The following MET variants were observed in gnomAD, a reference collection of about 807,000 sequenced individuals.
MET encodes the protein MET proto-oncogene, receptor tyrosine kinase.
Under a neutral mutation model 133.1 loss-of-function variants are expected in MET, and 48 were observed. The observed-to-expected ratio is 0.36, with a 90% confidence interval of 0.29 to 0.46. The LOEUF (loss-of-function observed/expected upper bound fraction) is 0.46, where lower values mean the gene tolerates loss of function less well. Ranked by LOEUF, MET falls within the 20% of genes least tolerant of loss-of-function variation. The pLI is 1.00. For synonymous variants in MET, 628 were observed against 616.5 expected, an observed-to-expected ratio of 1.02 and a Z score of -0.28; for missense variants, 1,442 against 1,695.9, an observed-to-expected ratio of 0.85 and a Z score of 2.63.
intron 3 of MET, among the ~76,000 whole-genome samples, chr7:116,739,095 T>C (rs1457279681): frequency 1.3e-5 from 2 of 152,206 alleles, no homozygotes; most frequent in African/African-American, 4.8e-5. Flanking sequence ...TGAAAGTTTC[T>C]CTGAGAACTC....
At chr7:116,741,095 GTTTGTTT>G in intron 5 of MET, 70 bp downstream of exon 5, 2 of 1,560,352 alleles carry the variant, frequency 1.3e-6, no homozygotes, top group Non-Finnish European at 1.7e-6. Context: ...GTTTGGTTTG[GTTTGTTT>G]TTTGTTTTTT....
intron 1 of MET, among the ~76,000 whole-genome samples, chr7:116,682,281 G>A (rs1052301130): frequency 1.3e-5 from 2 of 152,126 alleles, no homozygotes; most frequent in Non-Finnish European, 2.9e-5. Context: ...GATATTAGAC[G>A]AATAACTTAG....
intron 2 of MET, among the ~76,000 whole-genome samples, chr7:116,711,005 C>T: frequency 6.6e-6 from 1 of 152,144 alleles, no homozygotes; most frequent in East Asian, 1.9e-4. Context: ...GGTTCAAGAA[C>T]TAGTTAAGAA....
intron 1 of MET, among the ~76,000 whole-genome samples, chr7:116,697,462 C>A (rs1361089276): frequency 6.6e-6 from 1 of 152,110 alleles, no homozygotes; most frequent in Non-Finnish European, 1.5e-5. Context: ...GCTCAAAATT[C>A]CTTAATGATT....
intron 3 of MET, among the ~76,000 whole-genome samples, chr7:116,736,478 A>C (rs1205951070): frequency 6.6e-6 from 1 of 152,212 alleles, no homozygotes; most frequent in Non-Finnish European, 1.5e-5. Context: ...TAATTCTATT[A>C]ATAAAACGGT....
At chr7:116,682,208 G>A (rs1796386480) in intron 1 of MET, among the ~76,000 whole-genome samples, 1 of 152,154 alleles carries the variant, frequency 6.6e-6, no homozygotes, top group Non-Finnish European at 1.5e-5. Context: ...TAATGACAAT[G>A]AAAGGTGACA....
intron 14 of MET, 83 bp from the exon 15 acceptor site, chr7:116,774,798 C>T (rs2117028576): frequency 9.8e-7 from 1 of 1,018,092 alleles, no homozygotes. Flanking sequence ...CAAACTAATT[C>T]CATTATAAAA....
intron 9 of MET, 59 bp downstream of exon 9, chr7:116,758,679 T>C (rs1303051316): frequency 6.4e-7 from 1 of 1,556,344 alleles, no homozygotes. Flanking sequence ...GATTTTGCTG[T>C]AGAATAGTCA....
At chr7:116,772,097 AG>A (rs1794856656) in intron 14 of MET, 108 bp downstream of exon 14, 1 of 1,275,304 alleles carries the variant, frequency 7.8e-7, no homozygotes, top group South Asian at 1.3e-5. Context: ...AAAAACCTAA[AG>A]GAAGTATTTA....
chr7:116,769,907 C>T lies in MET; in HGVS notation c.2730+116C>T, dbSNP rs201079941. On this transcript the variant is annotated intron_variant, in intron 12 of 20. Coordinates refer to ENST00000397752, the MANE Select transcript of MET (RefSeq NM_000245.4). ...TTATGTGTGGGTTTTGGCTCATCAA[C>T]TCAGCCTGCATTCCTAGTTGTTATT... 2,216 of 1,397,320 alleles carry T rather than the reference C, an allele frequency of 1.6e-3. 4 individuals carry two copies. The highest frequency in any genetic ancestry group is 1.7e-3 in the Non-Finnish European group (1,686 of 997,568). The allele number at this position is 1,397,320 out of a possible 1,614,324, so 86.6% of individuals were successfully genotyped here.
rs1791608687 is a variant in MET at position 116,702,254 on chromosome 7, C to T, written c.1200+1970C>T. ...ACAAGATGGAACTTGCCAACATAGT[C>T]TTCTTACAAAGGAAGCCAACTTTTA... On this transcript the variant is annotated intron_variant, in intron 2 of 20. Coordinates refer to ENST00000397752, the MANE Select transcript of MET (RefSeq NM_000245.4). Among the ~76,000 whole-genome samples the T allele has an allele frequency of 4.6e-5, 7 of 152,216 alleles. No homozygotes were observed. The South Asian group carries it at 1.2e-3, about 27-fold the overall frequency.
chr7:116,716,323 G>GAT (rs1792199651), intron 2 of MET, among the ~76,000 whole-genome samples: 1 of 140,698 alleles, frequency 7.1e-6, no homozygotes, highest in Non-Finnish European at 1.5e-5. Context: ...GAGAGAGAGA[G>GAT]AGAGAGAGAG....
At chr7:116,686,503 T>C (rs111614112) in intron 1 of MET, among the ~76,000 whole-genome samples, 1 of 152,172 alleles carries the variant, frequency 6.6e-6, no homozygotes, top group African/African-American at 2.4e-5. Flanking sequence ...ATCAGCTTGT[T>C]ATGGGTATTA....
intron 2 of MET, among the ~76,000 whole-genome samples, chr7:116,702,446 A>G (rs1214282117): frequency 6.6e-6 from 1 of 152,112 alleles, no homozygotes; most frequent in African/African-American, 2.4e-5. Flanking sequence ...ATGAGCATAT[A>G]ATCATTTCCT....
At chr7:116,729,185 C>A (rs1476663078) in intron 2 of MET, among the ~76,000 whole-genome samples, 1 of 152,154 alleles carries the variant, frequency 6.6e-6, no homozygotes, top group Non-Finnish European at 1.5e-5. Flanking sequence ...ATCCATAGTA[C>A]TTTAGTGAAG....
chr7:116,681,624 T>G (rs1392207037), intron 1 of MET, among the ~76,000 whole-genome samples: 1 of 152,242 alleles, frequency 6.6e-6, no homozygotes, highest in Admixed American at 6.5e-5. Flanking sequence ...AAAGCTTCTA[T>G]CAAGGCCTGC....
At chr7:116,743,181 G>C (rs1793529812) in intron 5 of MET, among the ~76,000 whole-genome samples, 1 of 152,194 alleles carries the variant, frequency 6.6e-6, no homozygotes, top group East Asian at 1.9e-4. Context: ...GGACTGTGTT[G>C]TGAGGAACAA....
At chr7:116,770,896 G>A (rs1794809349) in intron 12 of MET, among the ~76,000 whole-genome samples, 1 of 152,112 alleles carries the variant, frequency 6.6e-6, no homozygotes, top group African/African-American at 2.4e-5. Context: ...ACAAAAATTA[G>A]AAAATCAAAG....
intron 3 of MET, among the ~76,000 whole-genome samples, chr7:116,737,270 C>T (rs1232370917): frequency 6.6e-6 from 1 of 152,218 alleles, no homozygotes; most frequent in Non-Finnish European, 1.5e-5. Flanking sequence ...GTGCTAGTAA[C>T]ATTTTCTCTA....
Sources: gnomAD v4.1 joint callset for allele counts (sites outside exome capture counted in the v4.1 genomes callset) on GRCh38, gnomAD v4.1.1 for gene constraint, MANE v1.5 for transcripts, NCBI Gene and HGNC (gene_info 2026-07-23, HGNC 2026-07-21) for gene names.